The following DLG2 variants were observed in gnomAD, a reference collection of about 807,000 sequenced individuals.
DLG2 encodes disks large homolog 2.
DLG2 carries 45 observed loss-of-function variants against 132.5 expected under a neutral mutation model. That is an observed-to-expected ratio of 0.34 (90% CI 0.27 to 0.44). The LOEUF is 0.44. DLG2 is among the 20% of genes least tolerant of loss of function. DLG2 has a pLI of 1.00. For missense variants in DLG2, 1,045 were observed against 1,196.9 expected (o/e 0.87, Z 1.87); for synonymous variants, 424 against 419.6 (o/e 1.01, Z -0.13).
At chr11:84,793,228 G>T (rs776182684) in intron 6 of DLG2, among the ~76,000 whole-genome samples, 10 of 151,892 alleles carry the variant, frequency 6.6e-5, no homozygotes, top group African/African-American at 2.4e-4. Context: ...TTCAAAATTC[G>T]TCCTTTGATT....
At chr11:84,887,681 C>T (rs371504214) in intron 6 of DLG2, among the ~76,000 whole-genome samples, 2 of 152,224 alleles carry the variant, frequency 1.3e-5, no homozygotes, top group African/African-American at 4.8e-5. Context: ...CAAGTACCAC[C>T]TTTTGATCCC....
intron 6 of DLG2, chr11:84,955,267 T>C (rs2051491984): frequency 6.6e-6 from 1 of 152,206 alleles, no homozygotes. Context: ...TTCTTTTAAA[T>C]AATTGACACG....
chr11:85,089,625 T>A (rs187027667), intron 6 of DLG2, among the ~76,000 whole-genome samples: 3 of 152,276 alleles, frequency 2.0e-5, no homozygotes, highest in Admixed American at 2.0e-4. Flanking sequence ...GAGCAATTTG[T>A]TTTCCTTAGA....
At chr11:83,760,548 G>T (rs2093858450) in intron 18 of DLG2, among the ~76,000 whole-genome samples, 1 of 151,830 alleles carries the variant, frequency 6.6e-6, no homozygotes, top group South Asian at 2.1e-4. Flanking sequence ...TAGAGATAGG[G>T]TTTCACCATG....
At chr11:84,246,199 T>C (rs2097300276) in intron 8 of DLG2, among the ~76,000 whole-genome samples, 1 of 152,232 alleles carries the variant, frequency 6.6e-6, no homozygotes, top group Non-Finnish European at 1.5e-5. Flanking sequence ...TCTGAAAATA[T>C]TAAATGGAGA....
intron 4 of DLG2, among the ~76,000 whole-genome samples, chr11:85,183,247 C>A (rs550092267): frequency 6.6e-6 from 1 of 151,892 alleles, no homozygotes; most frequent in East Asian, 1.9e-4. Flanking sequence ...AGTAGTCTGC[C>A]CTGATTCCCA....
At chr11:85,361,956 T>C (rs1026273812) in intron 3 of DLG2, among the ~76,000 whole-genome samples, 3 of 152,102 alleles carry the variant, frequency 2.0e-5, no homozygotes, top group African/African-American at 4.8e-5. Flanking sequence ...TTCCATTTGT[T>C]CTTGTCATCT....
intron 6 of DLG2, among the ~76,000 whole-genome samples, chr11:84,726,268 C>T (rs1417722462): frequency 1.3e-5 from 2 of 152,076 alleles, no homozygotes; most frequent in African/African-American, 4.8e-5. Flanking sequence ...CTCCCATACC[C>T]CCTACCCCCA....
chr11:84,547,821 G>A (rs561194174), intron 6 of DLG2, among the ~76,000 whole-genome samples: 9 of 152,174 alleles, frequency 5.9e-5, no homozygotes, highest in South Asian at 2.1e-4. Context: ...GACCCAGTAG[G>A]TGCTTAATAA....
intron 6 of DLG2, among the ~76,000 whole-genome samples, chr11:84,784,045 C>A (rs1315540474): frequency 2.0e-5 from 3 of 147,990 alleles, no homozygotes; most frequent in Non-Finnish European, 4.4e-5. Flanking sequence ...CACCTATAAT[C>A]CCAGCACTTT....
intron 6 of DLG2, among the ~76,000 whole-genome samples, chr11:84,858,130 T>C (rs1455085915): frequency 1.3e-5 from 2 of 152,084 alleles, no homozygotes; most frequent in Admixed American, 6.6e-5. Flanking sequence ...TGAGCTCAAG[T>C]GATCTGCCTG....
chr11:84,710,344 G>A (rs2060243871), intron 6 of DLG2, among the ~76,000 whole-genome samples: 2 of 151,856 alleles, frequency 1.3e-5, no homozygotes, highest in African/African-American at 4.8e-5. Flanking sequence ...TAATATATAT[G>A]CTCAAGAGAG....
chr11:85,343,873 C>T (rs866317597), intron 3 of DLG2, among the ~76,000 whole-genome samples: 1 of 151,894 alleles, frequency 6.6e-6, no homozygotes, highest in Admixed American at 6.6e-5. Flanking sequence ...GGGCTTTGAG[C>T]GTAAATGTTT....
intron 6 of DLG2, among the ~76,000 whole-genome samples, chr11:84,860,422 A>G (rs2083450419): frequency 6.6e-6 from 1 of 152,136 alleles, no homozygotes; most frequent in Non-Finnish European, 1.5e-5. Context: ...CAATGAAGCT[A>G]GGGCTTCATT....
intron 19 of DLG2, among the ~76,000 whole-genome samples, chr11:83,557,904 T>A (rs1357709453): frequency 6.6e-6 from 1 of 152,096 alleles, no homozygotes; most frequent in Non-Finnish European, 1.5e-5. Flanking sequence ...TAGGACAGAT[T>A]TAGATCAATT....
At chr11:84,741,184 A>T (rs2153823136) in intron 6 of DLG2, among the ~76,000 whole-genome samples, 1 of 146,652 alleles carries the variant, frequency 6.8e-6, no homozygotes, top group South Asian at 2.1e-4. Flanking sequence ...CTCCTGCCTC[A>T]GCCTCCCGAG....
chr11:84,432,693 C>A (rs7103483), intron 7 of DLG2, among the ~76,000 whole-genome samples: 10 of 152,088 alleles, frequency 6.6e-5, no homozygotes, highest in African/African-American at 1.9e-4. Flanking sequence ...TTGGTTTAGA[C>A]AAGGGGGAGA....
At chr11:83,555,842 TATC>T (rs1159150654) in intron 19 of DLG2, among the ~76,000 whole-genome samples, 1 of 152,224 alleles carries the variant, frequency 6.6e-6, no homozygotes, top group South Asian at 2.1e-4. Context: ...CTTTTATTGA[TATC>T]ATGACATCTC....
intron 10 of DLG2, among the ~76,000 whole-genome samples, chr11:84,088,947 A>G (rs1020532206): frequency 3.3e-5 from 5 of 152,188 alleles, no homozygotes; most frequent in South Asian, 4.1e-4. Context: ...ATAAATGTTT[A>G]CTTGGATTTG....
Sources: gnomAD v4.1 joint callset for allele counts (sites outside exome capture counted in the v4.1 genomes callset) on GRCh38, gnomAD v4.1.1 for gene constraint, MANE v1.5 for transcripts, NCBI Gene and HGNC (gene_info 2026-07-23, HGNC 2026-07-21) for gene names.